The following TMEM117 variants were observed in gnomAD, a reference collection of about 807,000 sequenced individuals.
TMEM117 encodes transmembrane protein 117.
Under a neutral mutation model 52.4 loss-of-function variants are expected in TMEM117, and 27 were observed. That is an observed-to-expected ratio of 0.51 (90% CI 0.38 to 0.71). The LOEUF is 0.71. Among genes scored for constraint, TMEM117 ranks in the 30% least tolerant of loss-of-function variants. TMEM117 has a pLI of 0.00. For missense variants in TMEM117, 556 were observed against 630.5 expected (o/e 0.88, Z 1.26); for synonymous variants, 215 against 206.3 (o/e 1.04, Z -0.36).
chr12:43,915,140 C>T (rs1448374542), intron 2 of TMEM117, among the ~76,000 whole-genome samples: 2 of 152,218 alleles, frequency 1.3e-5, no homozygotes, highest in Non-Finnish European at 2.9e-5. Flanking sequence ...TCCAGGCATA[C>T]AGACATCCAG....
intron 2 of TMEM117, among the ~76,000 whole-genome samples, chr12:43,938,498 G>A (rs1944990191): frequency 6.6e-6 from 1 of 152,004 alleles, no homozygotes; most frequent in Non-Finnish European, 1.5e-5. Context: ...AAGGGTGTGT[G>A]CATGTGTCTT....
At chr12:44,206,031 A>T (rs1361614087) in intron 4 of TMEM117, among the ~76,000 whole-genome samples, 1 of 152,248 alleles carries the variant, frequency 6.6e-6, no homozygotes, top group Non-Finnish European at 1.5e-5. Context: ...TTCAGAGCTG[A>T]GAGCCATGAA....
intron 2 of TMEM117, among the ~76,000 whole-genome samples, chr12:43,943,397 T>C (rs1945078011): frequency 6.6e-6 from 1 of 152,134 alleles, no homozygotes. Flanking sequence ...AGGGTACTGG[T>C]GCCATCATTT....
At chr12:43,883,528 A>G (rs1023346177) in intron 2 of TMEM117, among the ~76,000 whole-genome samples, 1 of 152,214 alleles carries the variant, frequency 6.6e-6, no homozygotes, top group Non-Finnish European at 1.5e-5. Flanking sequence ...TATCAGCTAA[A>G]TAAAGATTTC....
chr12:44,078,873 C>T (rs1947428874), intron 3 of TMEM117, among the ~76,000 whole-genome samples: 1 of 144,526 alleles, frequency 6.9e-6, no homozygotes, highest in Non-Finnish European at 1.5e-5. Flanking sequence ...CCCCCCCACC[C>T]CCCAACAGGC....
intron 3 of TMEM117, among the ~76,000 whole-genome samples, chr12:44,060,783 G>A (rs1947127779): frequency 6.6e-6 from 1 of 152,160 alleles, no homozygotes; most frequent in African/African-American, 2.4e-5. Flanking sequence ...GAGAGACAAC[G>A]AGGAGGAGGA....
intron 5 of TMEM117, among the ~76,000 whole-genome samples, chr12:44,224,541 T>TTCCTCC (rs996823867): frequency 6.6e-6 from 1 of 151,684 alleles, no homozygotes; most frequent in Non-Finnish European, 1.5e-5. Context: ...CCTCCTTCTC[T>TTCCTCC]TCCTCCTCCT....
chr12:44,384,473 GT>G (rs1240473748), intron 7 of TMEM117, among the ~76,000 whole-genome samples: 2 of 151,936 alleles, frequency 1.3e-5, no homozygotes, highest in Non-Finnish European at 2.9e-5. Context: ...ACGATCCCCT[GT>G]TTTTTAGTCT....
chr12:43,802,485 A>G, the TMEM117 span: 1 of 1,568,196 alleles, frequency 6.4e-7, no homozygotes, highest in Admixed American at 1.8e-5. Context: ...TTATTTTTAG[A>G]AAGATAGGTA....
At chr12:43,816,880 A>G in the TMEM117 span, among the ~76,000 whole-genome samples, 1 of 152,230 alleles carries the variant, frequency 6.6e-6, no homozygotes, top group African/African-American at 2.4e-5. Context: ...TTTATACAAG[A>G]TGGTATAATT....
At chr12:44,276,438 A>G (rs1950511766) in intron 5 of TMEM117, among the ~76,000 whole-genome samples, 1 of 152,162 alleles carries the variant, frequency 6.6e-6, no homozygotes. Context: ...TGAAATCTAA[A>G]AACTTGAACT....
At chr12:44,074,467 G>A (rs997585679) in intron 3 of TMEM117, among the ~76,000 whole-genome samples, 1 of 152,064 alleles carries the variant, frequency 6.6e-6, no homozygotes, top group African/African-American at 2.4e-5. Flanking sequence ...TATAAGAAAA[G>A]TTAAGGGATT....
chr12:44,120,034 C>A (rs1281280620), intron 3 of TMEM117, among the ~76,000 whole-genome samples: 2 of 151,914 alleles, frequency 1.3e-5, no homozygotes, highest in African/African-American at 4.8e-5. Flanking sequence ...GAACTTTAGG[C>A]CTTGAAGAGA....
rs145190891 is a variant in TMEM117 at position 44,357,917 on chromosome 12, A to T, written c.769-18678A>T. 6.1e-3 allele frequency among the ~76,000 whole-genome samples: 924 copies of T among 152,300 alleles called. 11 individuals carry two copies. The highest frequency in any genetic ancestry group is 0.02 in the African/African-American group (828 of 41,588). On this transcript the variant is annotated intron_variant, in intron 6 of 7. Transcript: ENST00000266534. ...TTCACAATAGCAAAGACATGGAATC[A>T]ACCTAGGTGCCCATCAGTGGTGGAT...
chr12:43,950,734 C>T (rs1209949267), intron 3 of TMEM117, among the ~76,000 whole-genome samples: 2 of 152,004 alleles, frequency 1.3e-5, no homozygotes, highest in East Asian at 1.9e-4. Flanking sequence ...TTTTTTTTCT[C>T]AAAAGAAATA....
chr12:44,335,616 G>A (rs1311318186), intron 6 of TMEM117, among the ~76,000 whole-genome samples: 1 of 151,964 alleles, frequency 6.6e-6, no homozygotes, highest in East Asian at 1.9e-4. Context: ...GTATCTAATG[G>A]TAATAACTAT....
intron 5 of TMEM117, among the ~76,000 whole-genome samples, chr12:44,255,375 G>GA (rs1344962469): frequency 2.0e-5 from 3 of 152,048 alleles, no homozygotes; most frequent in Non-Finnish European, 2.9e-5. Context: ...AAAAACACAT[G>GA]AAAAAATGCT....
At chr12:44,344,832 G>A (rs117753919) in intron 6 of TMEM117, among the ~76,000 whole-genome samples, 1 of 152,078 alleles carries the variant, frequency 6.6e-6, no homozygotes, top group Non-Finnish European at 1.5e-5. Flanking sequence ...GCTACATAGA[G>A]GAGATCCTGG....
At chr12:44,332,660 G>C (rs1318278879) in intron 6 of TMEM117, among the ~76,000 whole-genome samples, 1 of 151,170 alleles carries the variant, frequency 6.6e-6, no homozygotes, top group Non-Finnish European at 1.5e-5. Flanking sequence ...TTTTTTCAGA[G>C]CCAGCTTCCA....
Sources: allele counts gnomAD v4.1 joint callset (sites outside exome capture counted in the v4.1 genomes callset), GRCh38; gene constraint gnomAD v4.1.1; transcripts MANE v1.5; gene names NCBI Gene and HGNC (gene_info 2026-07-23, HGNC 2026-07-21).